Variants in BEGAIN observed in about 807,000 individuals in gnomAD.
BEGAIN encodes the protein brain enriched guanylate kinase associated, also known as brain-enriched guanylate kinase-associated protein.
In BEGAIN, 19 loss-of-function variants were observed where a neutral mutation model predicts 35.8. That is an observed-to-expected ratio of 0.53 (90% CI 0.37 to 0.78). The LOEUF (loss-of-function observed/expected upper bound fraction) is 0.78, where lower values mean the gene tolerates loss of function less well. BEGAIN is among the 30% of genes least tolerant of loss of function. The pLI is 0.00. For missense variants in BEGAIN, 795 were observed against 853.6 expected, an observed-to-expected ratio of 0.93 and a Z score of 0.85; for synonymous variants, 462 against 388.6, an observed-to-expected ratio of 1.19 and a Z score of -2.22.
Position 100,539,364 on chromosome 14 carries a change from C to T in BEGAIN, c.493-49G>A, listed in dbSNP as rs2031206505. The T allele has an allele frequency of 3.3e-6, 5 of 1,505,180 alleles. No individual in the cohort carries two copies. In the Admixed American group the frequency reaches 6.6e-5, roughly 20 times the overall value. 93.2% of individuals were successfully genotyped at this position (1,505,180 alleles called of 1,614,324 possible). A position where few individuals can be genotyped will look rare whatever the true frequency, so the allele number is the denominator to read the frequency against. On this transcript the variant is annotated intron_variant, in intron 6 of 6. Transcript: ENST00000554140. Reference sequence around the variant, plus strand: ...ACGGCGGGTACAGGGTCACTGTTAGCATGGCAGCCCAGCCCTGGCCCTGAA... The same window carrying T: ...ACGGCGGGTACAGGGTCACTGTTAGTATGGCAGCCCAGCCCTGGCCCTGAA...
intron 2 of BEGAIN, among the ~76,000 whole-genome samples, chr14:100,554,880 C>A (rs2033553654): frequency 6.6e-6 from 1 of 152,098 alleles, no homozygotes. Context: ...CCATTCCTGG[C>A]CCCCCCCACC....
intron 2 of BEGAIN, among the ~76,000 whole-genome samples, chr14:100,554,648 C>T (rs1479275655): frequency 6.6e-6 from 1 of 151,710 alleles, no homozygotes; most frequent in Non-Finnish European, 1.5e-5. Flanking sequence ...TCCCCACCAG[C>T]CCACTCCCCA....
At chr14:100,560,039 G>A (rs1233864725) in intron 2 of BEGAIN, among the ~76,000 whole-genome samples, 1 of 152,224 alleles carries the variant, frequency 6.6e-6, no homozygotes, top group Non-Finnish European at 1.5e-5. Context: ...GCCGCGGGGG[G>A]CTGAGAGGGT....
At position 100,538,097 on chromosome 14, in the gene BEGAIN, C is replaced by A; in HGVS notation, c.1711G>T (p.Ala571Ser). 1.3e-6 allele frequency: 2 copies of A among 1,580,456 alleles called. No homozygotes were observed. Among genetic ancestry groups the A allele is most frequent in the Non-Finnish European group, 1.7e-6 (2 of 1,165,180 alleles). ...RDSLEPSSME[A>S]SPEMHPAARL... ...GCGGCAGGATGCATTTCCGGGGAGG[C>A]CTCCATGGAGCTCGGCTCCAAGGAG... is the stretch of plus-strand genomic sequence containing the variant. Residue 571 changes from alanine to serine, a missense_variant, in exon 7 of 7, where the codon GCC becomes TCC. This residue lies in a region of BEGAIN where 664 missense variants were observed against 647.7 expected (regional missense o/e 1.03). Coordinates refer to ENST00000554140, the MANE Select transcript of BEGAIN (RefSeq NM_001385089.1).
chr14:100,557,148 C>T (rs887915869), intron 2 of BEGAIN, among the ~76,000 whole-genome samples: 2 of 147,860 alleles, frequency 1.4e-5, no homozygotes, highest in South Asian at 2.1e-4. Flanking sequence ...TCCAGCCACA[C>T]CCGAGTCAGG....
rs2033924148 is a variant in BEGAIN, at chr14:100,558,165, G to C, written c.71+9746C>G. 6.6e-6 allele frequency among the ~76,000 whole-genome samples: 1 copy of C among 151,268 alleles called. No individual in the cohort carries two copies. The highest frequency in any genetic ancestry group is 2.4e-5 in the African/African-American group (1 of 41,232). ...AGAACAACCCTCTCTTCACCCTCCA[G>C]GTACAGTCCCTGTTCCCTGATCAAT... On this transcript the variant is annotated intron_variant, in intron 2 of 6. Coordinates refer to ENST00000554140, the MANE Select transcript of BEGAIN (RefSeq NM_001385089.1). The surrounding 1 kb of genome is among the most constrained non-coding windows in gnomAD (Gnocchi z 4.6).
intron 3 of BEGAIN, 74 bp downstream of exon 3, chr14:100,546,427 C>CCTCACCTG (rs1199466432): frequency 5.8e-5 from 4 of 69,070 alleles, no homozygotes; most frequent in Admixed American, 2.0e-4. Context: ...TCGCCCCGCC[C>CCTCACCTG]CGGCCCTCGC....
At chr14:100,564,745 G>A (rs2139686248) in intron 2 of BEGAIN, among the ~76,000 whole-genome samples, 1 of 152,236 alleles carries the variant, frequency 6.6e-6, no homozygotes, top group Middle Eastern at 3.4e-3. Flanking sequence ...CAGGCACTGT[G>A]GCTGTCAGAA....
chr14:100,565,425 A>G (rs1184426753), intron 2 of BEGAIN, among the ~76,000 whole-genome samples: 1 of 152,206 alleles, frequency 6.6e-6, no homozygotes, highest in African/African-American at 2.4e-5. Context: ...CCTGCCCACC[A>G]AAGGGAGCCA....
chr14:100,538,668 C>G lies in BEGAIN; in HGVS notation c.1140G>C (p.Glu380Asp). The G allele has an allele frequency of 6.4e-7, 1 of 1,551,014 alleles. No individual in the cohort carries two copies. The highest frequency in any genetic ancestry group is 8.7e-7 in the Non-Finnish European group (1 of 1,147,104). The part of the protein sequence containing the change: ...KATAAVAAPL[E>D]AEVAPGFGRT... ...GCCCGAAGCCTGGGGCCACTTCGGC[C>G]TCCAGCGGGGCCGCCACCGCGGCCG... is the stretch of plus-strand genomic sequence containing the variant. Residue 380 changes from glutamate to aspartate, a missense_variant, in exon 7 of 7, where the codon GAG becomes GAC. By Grantham distance (45) the Glu-to-Asp change is conservative. This residue lies in a region of BEGAIN where 664 missense variants were observed against 647.7 expected (regional missense o/e 1.03). Coordinates refer to ENST00000554140, the MANE Select transcript of BEGAIN (RefSeq NM_001385089.1).
In BEGAIN at chr14:100,538,211, C is replaced by T; in HGVS notation, c.1597G>A (p.Ala533Thr). The part of the protein sequence containing the change: ...GRSADPLPGY[A>T]PSEGGDGDRL... Reference sequence around the variant, plus strand: ...TCCCCGTCCCCCCCCTCGCTGGGTGCATAGCCGGGCAGTGGGTCAGCCGAG... The same window carrying T: ...TCCCCGTCCCCCCCCTCGCTGGGTGTATAGCCGGGCAGTGGGTCAGCCGAG... The change falls in exon 7 of 7, where the codon GCA (alanine) becomes ACA (threonine). Residue 533 changes from alanine (A) to threonine (T), a missense_variant. By Grantham distance (58) the Ala-to-Thr change is moderately conservative. This residue lies in a region of BEGAIN where 664 missense variants were observed against 647.7 expected (regional missense o/e 1.03). Transcript: ENST00000554140. The T allele has an allele frequency of 6.4e-7, 1 of 1,562,818 alleles. No homozygotes were observed.
chr14:100,571,617 G>C (rs1158275108), intron 1 of BEGAIN, among the ~76,000 whole-genome samples: 1 of 152,216 alleles, frequency 6.6e-6, no homozygotes, highest in Non-Finnish European at 1.5e-5. Context: ...CGGGCACAGA[G>C]ACTGGCACAC....
At chr14:100,552,041 C>A (rs2033259739) in intron 2 of BEGAIN, among the ~76,000 whole-genome samples, 1 of 152,156 alleles carries the variant, frequency 6.6e-6, no homozygotes. Context: ...CATGGCCCGA[C>A]CAAGGCCAGC....
At chr14:100,552,864 T>G (rs1487459001) in intron 2 of BEGAIN, among the ~76,000 whole-genome samples, 1 of 152,196 alleles carries the variant, frequency 6.6e-6, no homozygotes, top group African/African-American at 2.4e-5. Flanking sequence ...ACGGATGGAC[T>G]GGGGGTTGGC....
intron 2 of BEGAIN, among the ~76,000 whole-genome samples, chr14:100,562,894 G>A (rs1460423421): frequency 6.6e-6 from 1 of 152,240 alleles, no homozygotes; most frequent in African/African-American, 2.4e-5. Flanking sequence ...TGCAGTCATT[G>A]CGGCGTCCTC....
Position 100,539,207 on chromosome 14 carries a change from C to A in BEGAIN, c.601G>T (p.Val201Phe). Residue 201 changes from valine to phenylalanine, a missense_variant, in exon 7 of 7, where the codon GTC (valine) becomes TTC (phenylalanine). Coordinates refer to ENST00000554140, the MANE Select transcript of BEGAIN (RefSeq NM_001385089.1). ...GGCTTCTCCAGCACCTTGGCAATGACGCAGGTGGGGACGCTGTCGGCGTAG... is the reference window on the plus strand; with the variant it reads ...GGCTTCTCCAGCACCTTGGCAATGAAGCAGGTGGGGACGCTGTCGGCGTAG... ...PAYADSVPTC[V>F]IAKVLEKPDP... 1 of 1,583,486 alleles carries A rather than the reference C, an allele frequency of 6.3e-7. No individual in the cohort carries two copies.
At chr14:100,578,793 A>G (rs1317771179) in intron 1 of BEGAIN, among the ~76,000 whole-genome samples, 2 of 151,900 alleles carry the variant, frequency 1.3e-5, no homozygotes, top group Non-Finnish European at 2.9e-5. Context: ...GACAAAAGGA[A>G]TCCGGATATC....
chr14:100,567,420 C>G lies in BEGAIN; in HGVS notation c.71+491G>C, dbSNP rs1250826561. 1.3e-5 allele frequency among the ~76,000 whole-genome samples: 2 copies of G among 152,078 alleles called. No homozygotes were observed. The highest frequency in any genetic ancestry group is 4.8e-5 in the African/African-American group (2 of 41,450). On this transcript the variant is annotated intron_variant, in intron 2 of 6. Coordinates refer to ENST00000554140, the MANE Select transcript of BEGAIN (RefSeq NM_001385089.1). The surrounding 1 kb of genome is among the most constrained non-coding windows in gnomAD (Gnocchi z 5.1). Reference sequence around the variant, plus strand: ...CCAGCCGCGAGGACTCCATCCCCCACCCCCGCCCCCCAGAGGCGGACACTT... The same window carrying G: ...CCAGCCGCGAGGACTCCATCCCCCAGCCCCGCCCCCCAGAGGCGGACACTT...
At chr14:100,554,050 T>C (rs1057320590) in intron 2 of BEGAIN, among the ~76,000 whole-genome samples, 3 of 152,246 alleles carry the variant, frequency 2.0e-5, no homozygotes, top group African/African-American at 7.2e-5. Flanking sequence ...ACCGGGCCCA[T>C]GCCCTTCCTG....
Sources: allele counts gnomAD v4.1 joint callset (sites outside exome capture counted in the v4.1 genomes callset), GRCh38; gene constraint gnomAD v4.1.1; regional missense constraint gnomAD v4.1.1; non-coding constraint Gnocchi (gnomAD v3.1); transcripts MANE v1.5; gene names NCBI Gene and HGNC (gene_info 2026-07-23, HGNC 2026-07-21).